SAMSN1: variants seen among roughly 807,000 people sequenced by gnomAD.
The protein encoded by SAMSN1 is SAM domain-containing protein SAMSN-1.
In SAMSN1, 31 loss-of-function variants were observed where a neutral mutation model predicts 42.0. That is an observed-to-expected ratio of 0.74 (90% CI 0.55 to 1.00). The LOEUF is 1.00. Ranked by LOEUF, SAMSN1 falls within the 50% of genes least tolerant of loss-of-function variation. SAMSN1 has a pLI of 0.00. For synonymous variants in SAMSN1, 178 were observed against 151.9 expected (o/e 1.17, Z -1.26); for missense variants, 464 against 439.4 (o/e 1.06, Z -0.50).
intron 1 of SAMSN1, among the ~76,000 whole-genome samples, chr21:14,644,946 G>A (rs1260470207): frequency 6.6e-6 from 1 of 152,140 alleles, no homozygotes; most frequent in African/African-American, 2.4e-5. Context: ...TTAAAAACTG[G>A]AGAGAAGAGT....
At chr21:14,490,610 A>T (rs1986641361) in intron 7 of SAMSN1, among the ~76,000 whole-genome samples, 1 of 152,172 alleles carries the variant, frequency 6.6e-6, no homozygotes, top group Admixed American at 6.5e-5. Context: ...GAACACTTTA[A>T]TTCTCCTAAT....
At chr21:14,513,520 CGT>C (rs3050489) in intron 3 of SAMSN1, among the ~76,000 whole-genome samples, 40,801 of 151,456 alleles carry the variant, frequency 0.27, 6,580 homozygotes, top group Non-Finnish European at 0.35. Context: ...TTTGTGTGTG[CGT>C]GTGTGTGTGT....
At chr21:14,507,634 C>T (rs1987474194) in intron 5 of SAMSN1, among the ~76,000 whole-genome samples, 1 of 152,118 alleles carries the variant, frequency 6.6e-6, no homozygotes, top group Admixed American at 6.5e-5. Context: ...CAAAAGCAAT[C>T]TACAAATTCA....
intron 3 of SAMSN1, among the ~76,000 whole-genome samples, chr21:14,614,160 G>A (rs2123329148): frequency 6.6e-6 from 1 of 152,186 alleles, no homozygotes; most frequent in Admixed American, 6.5e-5. Flanking sequence ...GTCTTGTTTT[G>A]TTCTAGTGCA....
At chr21:14,543,632 TATAATATGC>T (rs1473981968) in intron 1 of SAMSN1, among the ~76,000 whole-genome samples, 1 of 152,196 alleles carries the variant, frequency 6.6e-6, no homozygotes, top group Non-Finnish European at 1.5e-5. Context: ...TAACATTAGT[TATAATATGC>T]ATTGCATTTG....
At chr21:14,536,533 G>A (rs1001677371) in intron 1 of SAMSN1, among the ~76,000 whole-genome samples, 1 of 151,984 alleles carries the variant, frequency 6.6e-6, no homozygotes, top group African/African-American at 2.4e-5. Context: ...TACCTGCTTG[G>A]GATAAAACTT....
At chr21:14,625,449 T>G (rs1446855451) in intron 2 of SAMSN1, among the ~76,000 whole-genome samples, 2 of 152,172 alleles carry the variant, frequency 1.3e-5, no homozygotes, top group Non-Finnish European at 2.9e-5. Flanking sequence ...ACAAAATCAA[T>G]GTACAAAAAT....
chr21:14,558,984 G>C (rs967039427), intron 2 of SAMSN1, among the ~76,000 whole-genome samples: 1 of 152,090 alleles, frequency 6.6e-6, no homozygotes, highest in East Asian at 1.9e-4. Flanking sequence ...TTCCTGCAAA[G>C]CATTCATTGA....
chr21:14,518,096 T>C (rs189905299), intron 2 of SAMSN1, among the ~76,000 whole-genome samples: 23 of 152,366 alleles, frequency 1.5e-4, no homozygotes, highest in African/African-American at 5.5e-4. Flanking sequence ...ACCAAGTTTG[T>C]ATTTGCTTTT....
chr21:14,543,331 A>C (rs1317888388), intron 1 of SAMSN1, among the ~76,000 whole-genome samples: 1 of 152,238 alleles, frequency 6.6e-6, no homozygotes, highest in Non-Finnish European at 1.5e-5. Flanking sequence ...GAGAGAAATA[A>C]AGGATGAAAA....
At chr21:14,618,897 T>G (rs1341499586) in intron 2 of SAMSN1, among the ~76,000 whole-genome samples, 1 of 152,242 alleles carries the variant, frequency 6.6e-6, no homozygotes, top group East Asian at 1.9e-4. Context: ...TTACCTTTCA[T>G]TCACTAGGGA....
At position 14,572,718 on chromosome 21, in the gene SAMSN1, C is replaced by A. The variant is rs531599315; in HGVS notation, c.261+9418G>T. 2.0e-5 allele frequency among the ~76,000 whole-genome samples: 3 copies of A among 152,172 alleles called. No homozygotes were observed. In the East Asian group the frequency reaches 5.8e-4, roughly 29 times the overall value. On this transcript the variant is annotated intron_variant, in intron 2 of 8. Coordinates refer to the SAMSN1 transcript ENST00000285670. ...GGTCTCTAATTATCAAGCTGTTAAA[C>A]CCTTACTTTTAATTAGCCCTTTCAC...
chr21:14,594,817 T>C (rs1982207526), intron 6 of SAMSN1: 1 of 152,200 alleles, frequency 6.6e-6, no homozygotes, highest in Non-Finnish European at 1.5e-5. Context: ...CACAATATGA[T>C]AGTGTATTAG....
At position 14,508,675 on chromosome 21, in the gene SAMSN1, C is replaced by G. The variant is rs552249850; in HGVS notation, c.561+1635G>C. On this transcript the variant is annotated intron_variant, in intron 5 of 7. Coordinates refer to ENST00000400566, the MANE Select transcript of SAMSN1 (RefSeq NM_022136.5). ...ATTCCTTAAAGAACTAAAAGTAGAA[C>G]GACCATTTGATTCAGCAATTCCACT... Among the ~76,000 whole-genome samples the G allele has an allele frequency of 1.3e-3, 196 of 152,240 alleles. 6 individuals carry two copies. The South Asian group carries it at 0.041, about 32-fold the overall frequency.
chr21:14,576,629 T>G (rs1437325923), intron 2 of SAMSN1, among the ~76,000 whole-genome samples: 1 of 150,210 alleles, frequency 6.7e-6, no homozygotes, highest in Non-Finnish European at 1.5e-5. Context: ...TTCCTCCAAC[T>G]GAAACAGTTG....
intron 6 of SAMSN1, among the ~76,000 whole-genome samples, chr21:14,500,177 A>T (rs1207838933): frequency 2.0e-5 from 3 of 151,548 alleles, no homozygotes; most frequent in Admixed American, 6.6e-5. Context: ...TTTTCCTTTC[A>T]CTTTTTTAGA....
In SAMSN1 at chr21:14,612,131, G is replaced by A. The variant is rs192050467; in HGVS notation, c.235+745C>T. On this transcript the variant is annotated intron_variant, in intron 4 of 15. Coordinates refer to the SAMSN1 transcript ENST00000647101. ...GCCTGTAGTCCCAGCTACTCTGGGG[G>A]CTGAGGCAGGGGAATTGCTTGAACC... Among the ~76,000 whole-genome samples, 115 of 152,300 alleles carry A rather than the reference G, an allele frequency of 7.6e-4. 1 individual carries two copies. In the South Asian group the frequency reaches 8.3e-3, roughly 11 times the overall value.
At chr21:14,537,864 A>T (rs1979732279) in intron 1 of SAMSN1, among the ~76,000 whole-genome samples, 1 of 152,196 alleles carries the variant, frequency 6.6e-6, no homozygotes, top group Non-Finnish European at 1.5e-5. Flanking sequence ...GAGACTGGAA[A>T]ATGCACATGG....
intron 5 of SAMSN1, among the ~76,000 whole-genome samples, chr21:14,604,410 G>A (rs561118758): frequency 3.2e-4 from 49 of 152,142 alleles, no homozygotes; most frequent in Non-Finnish European, 5.7e-4. Context: ...TGACTTCCAA[G>A]GTTAGGTTAA....
Sources: allele counts gnomAD v4.1 joint callset (sites outside exome capture counted in the v4.1 genomes callset), GRCh38; gene constraint gnomAD v4.1.1; transcripts MANE v1.5; gene names NCBI Gene and HGNC (gene_info 2026-07-23, HGNC 2026-07-21).